Variants in UBXN7 observed in about 807,000 individuals in gnomAD.
UBXN7 encodes the protein UBX domain-containing protein 7.
UBXN7 carries 9 observed loss-of-function variants against 58.0 expected under a neutral mutation model. The observed-to-expected ratio is 0.16, with a 90% CI of 0.09 to 0.27. The LOEUF (loss-of-function observed/expected upper bound fraction) is 0.27. Ranked by LOEUF, UBXN7 falls within the 10% of genes least tolerant of loss-of-function variation. UBXN7 has a pLI of 1.00. For missense variants in UBXN7, 328 were observed against 599.6 expected (o/e 0.55, Z 4.73); for synonymous variants, 208 against 205.0 (o/e 1.01, Z -0.12).
At chr3:196,420,222 T>C (rs1436826796) in intron 1 of UBXN7, among the ~76,000 whole-genome samples, 1 of 152,112 alleles carries the variant, frequency 6.6e-6, no homozygotes, top group Non-Finnish European at 1.5e-5. Context: ...TTAAACTATT[T>C]GCAAACTTGT....
In UBXN7 at chr3:196,348,441, T is replaced by C. The variant is rs988774839; in HGVS notation, c.*8244A>G. The C allele has an allele frequency of 2.0e-5, 3 of 152,192 alleles. No homozygotes were observed. In the East Asian group the frequency reaches 5.8e-4, roughly 29 times the overall value. 9.4% of individuals were successfully genotyped at this position (152,192 alleles called of 1,614,324 possible). A position where few individuals can be genotyped will look rare whatever the true frequency, so the allele number is the denominator to read the frequency against. The stretch of plus-strand genomic sequence containing the variant: ...AGGAGCACTGTCTCTGTTATCTTCT[T>C]GGATTCAATCACAAATTTAGAGTAC... On this transcript the variant is annotated 3_prime_UTR_variant, in exon 11 of 11. Coordinates refer to ENST00000296328, the MANE Select transcript of UBXN7 (RefSeq NM_015562.2).
chr3:196,391,886 T>A lies in UBXN7; in HGVS notation c.395A>T (p.Asp132Val). The A allele has an allele frequency of 1.2e-6, 2 of 1,611,756 alleles. No homozygotes were observed. The highest frequency in any genetic ancestry group is 1.7e-6 in the Non-Finnish European group (2 of 1,179,232). ...ATCTGCAAGGGTAGTTAATTTCTTA[T>A]CGATAGCTCCTCCATTTCTTAATTC... ...EQELRNGGAI[D>V]KKLTTLADLF... The change falls in exon 5 of 11, where the codon GAT (aspartate) becomes GTT (valine). Residue 132 changes from aspartate (D) to valine (V), a missense_variant. Asp to Val is a radical substitution (Grantham distance 152). Coordinates refer to ENST00000296328, the MANE Select transcript of UBXN7 (RefSeq NM_015562.2).
chr3:196,399,479 C>T (rs1256095098), intron 3 of UBXN7, among the ~76,000 whole-genome samples: 3 of 152,190 alleles, frequency 2.0e-5, no homozygotes, highest in African/African-American at 7.2e-5. Flanking sequence ...CTCTGTTATA[C>T]AGGCTGCAGT....
intron 5 of UBXN7, among the ~76,000 whole-genome samples, chr3:196,385,205 T>C (rs1023520735): frequency 7.9e-5 from 12 of 152,214 alleles, no homozygotes; most frequent in African/African-American, 1.2e-4. Context: ...GGTTTCGCCG[T>C]GTTGGCCGGG....
intron 5 of UBXN7, among the ~76,000 whole-genome samples, chr3:196,387,586 T>C (rs1342214808): frequency 6.6e-6 from 1 of 151,702 alleles, no homozygotes; most frequent in Non-Finnish European, 1.5e-5. Context: ...TCAAACAAAT[T>C]TACAAGAAAA....
chr3:196,428,049 A>C (rs776793016), intron 1 of UBXN7, among the ~76,000 whole-genome samples: 3 of 152,198 alleles, frequency 2.0e-5, no homozygotes, highest in Non-Finnish European at 4.4e-5. Context: ...GCTTGAACCC[A>C]GGAGGCGGAG....
intron 5 of UBXN7, among the ~76,000 whole-genome samples, chr3:196,376,358 T>C (rs1009944233): frequency 2.6e-5 from 4 of 151,182 alleles, no homozygotes; most frequent in African/African-American, 9.7e-5. Flanking sequence ...GCTTGACCAA[T>C]ATGGTGGTGA....
At chr3:196,408,607 C>T (rs1278915559) in intron 1 of UBXN7, among the ~76,000 whole-genome samples, 1 of 152,086 alleles carries the variant, frequency 6.6e-6, no homozygotes, top group Non-Finnish European at 1.5e-5. Flanking sequence ...ATCTCCTTCT[C>T]TTGGTGGTAA....
At chr3:196,372,348 T>C in intron 5 of UBXN7, among the ~76,000 whole-genome samples, 1 of 136,370 alleles carries the variant, frequency 7.3e-6, no homozygotes, top group South Asian at 2.6e-4. Context: ...TCTTTCTTTT[T>C]TTTTTTTTTT....
intron 10 of UBXN7, among the ~76,000 whole-genome samples, chr3:196,359,088 C>G (rs146596389): frequency 6.6e-6 from 1 of 152,132 alleles, no homozygotes; most frequent in African/African-American, 2.4e-5. Flanking sequence ...TGAAGGTCTG[C>G]GGCAACCTTG....
chr3:196,421,678 G>A (rs1198254609), intron 1 of UBXN7, among the ~76,000 whole-genome samples: 1 of 151,928 alleles, frequency 6.6e-6, no homozygotes, highest in Non-Finnish European at 1.5e-5. Flanking sequence ...TTGGGAGGCT[G>A]AGGCAGGAGA....
chr3:196,420,349 G>A (rs935089764), intron 1 of UBXN7, among the ~76,000 whole-genome samples: 7 of 151,858 alleles, frequency 4.6e-5, no homozygotes, highest in Non-Finnish European at 7.4e-5. Flanking sequence ...CTAACACCGC[G>A]AAACCCCGTC....
At position 196,352,965 on chromosome 3, in the gene UBXN7, G is replaced by A. The variant is rs1728252313; in HGVS notation, c.*3720C>T. 3 of 152,070 alleles carry A rather than the reference G, an allele frequency of 2.0e-5. No homozygotes were observed. The highest frequency in any genetic ancestry group is 6.6e-5 in the Admixed American group (1 of 15,264). 9.4% of individuals were successfully genotyped at this position (152,070 alleles called of 1,614,324 possible). On this transcript the variant is annotated 3_prime_UTR_variant, in exon 11 of 11. Coordinates refer to ENST00000296328, the MANE Select transcript of UBXN7 (RefSeq NM_015562.2). The surrounding 1 kb of genome is among the most constrained non-coding windows in gnomAD (Gnocchi z 4.1). ...ATTTATTCTTGGCAAATAATGCCAC[G>A]TGGCAATTTTACTTTCACATCTTCA...
chr3:196,380,020 C>T (rs577881130), intron 5 of UBXN7, among the ~76,000 whole-genome samples: 188 of 152,170 alleles, frequency 1.2e-3, no homozygotes, highest in African/African-American at 4.2e-3. Context: ...GAGGCCAAGG[C>T]GGGTGGATCA....
At chr3:196,390,880 A>G (rs1459324425) in intron 5 of UBXN7, among the ~76,000 whole-genome samples, 5 of 152,208 alleles carry the variant, frequency 3.3e-5, no homozygotes, top group Non-Finnish European at 5.9e-5. Context: ...AATCTTTACT[A>G]AACTCCTTCA....
chr3:196,402,815 T>G (rs2108852631), intron 3 of UBXN7, 137 bp downstream of exon 3: 1 of 984,062 alleles, frequency 1.0e-6, no homozygotes, highest in Admixed American at 2.8e-5. Context: ...GCAACTTTCT[T>G]GACAGGACTA....
intron 1 of UBXN7, among the ~76,000 whole-genome samples, chr3:196,410,667 C>T (rs1730296034): frequency 6.6e-6 from 1 of 151,810 alleles, no homozygotes; most frequent in East Asian, 1.9e-4. Context: ...ACTAAAAATA[C>T]AAAAATTAGC....
intron 5 of UBXN7, among the ~76,000 whole-genome samples, chr3:196,387,308 A>C (rs1729434991): frequency 2.0e-5 from 3 of 152,224 alleles, no homozygotes; most frequent in Admixed American, 6.5e-5. Context: ...TAAAGACTTA[A>C]ATGTTAGACC....
intron 1 of UBXN7, among the ~76,000 whole-genome samples, chr3:196,430,858 C>T (rs562005317): frequency 6.6e-6 from 1 of 152,178 alleles, no homozygotes; most frequent in East Asian, 1.9e-4. Context: ...TTAGGAAATC[C>T]TTTACATATT....
Sources: allele counts gnomAD v4.1 joint callset (sites outside exome capture counted in the v4.1 genomes callset), GRCh38; gene constraint gnomAD v4.1.1; non-coding constraint Gnocchi (gnomAD v3.1); transcripts MANE v1.5; gene names NCBI Gene and HGNC (gene_info 2026-07-23, HGNC 2026-07-21).